The following HECW2 variants were observed in gnomAD, a reference collection of about 807,000 sequenced individuals.
HECW2 encodes E3 ubiquitin-protein ligase HECW2.
HECW2 carries 61 observed loss-of-function variants against 175.2 expected under a neutral mutation model. That is an observed-to-expected ratio of 0.35 (90% CI 0.28 to 0.43). HECW2 has a LOEUF of 0.43. Ranked by LOEUF, HECW2 falls within the 20% of genes least tolerant of loss-of-function variation. HECW2 has a pLI of 1.00. For synonymous variants in HECW2, 671 were observed against 731.0 expected (o/e 0.92, Z 1.32); for missense variants, 1,524 against 2,000.5 (o/e 0.76, Z 4.54).
Position 196,433,128 on chromosome 2 carries a change from T to C in HECW2, c.292+4A>G. On this transcript the variant is annotated splice_donor_region_variant and intron_variant, in intron 2 of 28. Coordinates refer to ENST00000644978, the MANE Select transcript of HECW2 (RefSeq NM_001348768.2). ...CACATGCAAGTCCATTCCACTTGACTCACCTATATGATAAAGTCCAATCCA... is the reference window on the plus strand; with the variant it reads ...CACATGCAAGTCCATTCCACTTGACCCACCTATATGATAAAGTCCAATCCA... The C allele has an allele frequency of 1.9e-6, 3 of 1,597,328 alleles. No homozygotes were observed. Among genetic ancestry groups the C allele is most frequent in the Non-Finnish European group, 2.6e-6 (3 of 1,168,060 alleles).
intron 1 of HECW2, among the ~76,000 whole-genome samples, chr2:196,436,908 T>C (rs975470011): frequency 6.6e-6 from 1 of 152,130 alleles, no homozygotes; most frequent in Admixed American, 6.5e-5. Context: ...CTTAACAAAT[T>C]TGTGGGGACA....
chr2:196,541,554 A>C (rs1689214586), intron 1 of HECW2, among the ~76,000 whole-genome samples: 2 of 152,178 alleles, frequency 1.3e-5, no homozygotes, highest in African/African-American at 4.8e-5. Flanking sequence ...GCTTATGGGT[A>C]TGGCTTCTGC....
intron 13 of HECW2, among the ~76,000 whole-genome samples, chr2:196,298,764 A>G (rs1279758032): frequency 3.9e-5 from 6 of 152,118 alleles, no homozygotes; most frequent in Non-Finnish European, 5.9e-5. Context: ...ATAAACTGAT[A>G]CCTTCAAGTC....
chr2:196,558,334 A>G (rs931988941), intron 1 of HECW2, among the ~76,000 whole-genome samples: 1 of 152,234 alleles, frequency 6.6e-6, no homozygotes, highest in Non-Finnish European at 1.5e-5. Flanking sequence ...TAGAACACTA[A>G]TAAGTTAGGA....
At chr2:196,222,394 C>T (rs756294746) in intron 23 of HECW2, 54 bp from the exon 24 acceptor site, 1 of 1,555,422 alleles carries the variant, frequency 6.4e-7, no homozygotes, top group Non-Finnish European at 8.8e-7. Context: ...TTAGCAAAAA[C>T]CCAGAGTCAT....
chr2:196,393,746 C>T (rs955430142), intron 2 of HECW2, among the ~76,000 whole-genome samples: 13 of 152,280 alleles, frequency 8.5e-5, no homozygotes, highest in Middle Eastern at 3.4e-3. Context: ...GACAGTGTGG[C>T]GATTCCTCAA....
intron 2 of HECW2, among the ~76,000 whole-genome samples, chr2:196,415,775 A>G (rs1695238777): frequency 6.6e-6 from 1 of 152,238 alleles, no homozygotes; most frequent in Non-Finnish European, 1.5e-5. Context: ...AAGTTTCTGT[A>G]AAAATGAAAG....
intron 2 of HECW2, among the ~76,000 whole-genome samples, chr2:196,356,204 C>T (rs1216705261): frequency 6.6e-6 from 1 of 152,174 alleles, no homozygotes; most frequent in Non-Finnish European, 1.5e-5. Context: ...TTGATTCACT[C>T]ATTTAAACCT....
At chr2:196,271,083 G>A (rs1689717708) in intron 17 of HECW2, 110 bp downstream of exon 17, 5 of 683,012 alleles carry the variant, frequency 7.3e-6, no homozygotes, top group South Asian at 3.6e-5. Context: ...AAGATGTTTT[G>A]CAAAGGATGT....
intron 1 of HECW2, among the ~76,000 whole-genome samples, chr2:196,489,485 G>A (rs1258077586): frequency 6.6e-6 from 1 of 152,138 alleles, no homozygotes; most frequent in Non-Finnish European, 1.5e-5. Context: ...CCACATCATG[G>A]TTCCACTCTA....
chr2:196,291,520 C>T (rs1329127437), intron 14 of HECW2: 2 of 152,180 alleles, frequency 1.3e-5, no homozygotes, highest in African/African-American at 4.8e-5. Context: ...AACAAACACT[C>T]CAAGGGTTGT....
At chr2:196,266,129 A>C (rs1215018301) in intron 17 of HECW2, among the ~76,000 whole-genome samples, 1 of 151,250 alleles carries the variant, frequency 6.6e-6, no homozygotes, top group East Asian at 1.9e-4. Context: ...CCAGGTATTC[A>C]AAATGAACCT....
intron 18 of HECW2, among the ~76,000 whole-genome samples, chr2:196,254,304 G>GA (rs1045823441): frequency 6.6e-5 from 10 of 152,036 alleles, no homozygotes; most frequent in African/African-American, 2.4e-4. Context: ...ATGTTTGTTT[G>GA]AAAATCATAC....
chr2:196,491,166 G>A (rs1024090452), intron 1 of HECW2, among the ~76,000 whole-genome samples: 2 of 151,764 alleles, frequency 1.3e-5, no homozygotes, highest in Non-Finnish European at 2.9e-5. Flanking sequence ...TTAAAAATAA[G>A]GTTTATTCCA....
At chr2:196,322,412 G>A in intron 7 of HECW2, 66 bp downstream of exon 7, 1 of 1,413,950 alleles carries the variant, frequency 7.1e-7, no homozygotes. Flanking sequence ...GGACTACCAA[G>A]TTTCATGTCA....
At chr2:196,450,860 C>T (rs1696326498) in intron 1 of HECW2, among the ~76,000 whole-genome samples, 1 of 152,008 alleles carries the variant, frequency 6.6e-6, no homozygotes. Flanking sequence ...TAAGAAATCA[C>T]CAGGTATTAT....
intron 2 of HECW2, among the ~76,000 whole-genome samples, chr2:196,411,423 CA>C (rs1695107362): frequency 6.6e-6 from 1 of 152,240 alleles, no homozygotes; most frequent in South Asian, 2.1e-4. Context: ...AACAAACAAA[CA>C]AAAAACTCGC....
chr2:196,259,502 A>T (rs1296307167), intron 17 of HECW2, among the ~76,000 whole-genome samples: 2 of 152,136 alleles, frequency 1.3e-5, no homozygotes, highest in African/African-American at 4.8e-5. Flanking sequence ...TAGATGAAGC[A>T]GCTAATCTTT....
At chr2:196,519,846 G>C (rs1688288577) in intron 1 of HECW2, among the ~76,000 whole-genome samples, 1 of 152,172 alleles carries the variant, frequency 6.6e-6, no homozygotes, top group African/African-American at 2.4e-5. Flanking sequence ...CATTCTAATT[G>C]AGACATGCTC....
Sources: allele counts gnomAD v4.1 joint callset (sites outside exome capture counted in the v4.1 genomes callset), GRCh38; gene constraint gnomAD v4.1.1; transcripts MANE v1.5; gene names NCBI Gene and HGNC (gene_info 2026-07-23, HGNC 2026-07-21).